Variants in POU2AF2 observed in about 807,000 individuals in gnomAD.
POU2AF2 encodes the protein POU domain class 2-associating factor 2.
the POU2AF2 span, among the ~76,000 whole-genome samples, chr11:111,276,453 A>AAATATATATATATATAT: frequency 8.0e-5 from 3 of 37,658 alleles, no homozygotes; most frequent in Non-Finnish European, 1.5e-4. Context: ...AAAAAAAAAA[A>AAATATATATATATATAT]ATATATATAT....
chr11:111,258,276 A>G, the POU2AF2 span, among the ~76,000 whole-genome samples: 1 of 152,244 alleles, frequency 6.6e-6, no homozygotes, highest in Non-Finnish European at 1.5e-5. Context: ...AACATGAGAC[A>G]GCAACTAAAT....
the POU2AF2 span, among the ~76,000 whole-genome samples, chr11:111,276,799 T>C: frequency 2.0e-5 from 3 of 149,842 alleles, no homozygotes; most frequent in African/African-American, 7.3e-5. Flanking sequence ...AGCGGTATTA[T>C]CTTTCAAATA....
the POU2AF2 span, among the ~76,000 whole-genome samples, chr11:111,266,366 C>T: frequency 2.0e-5 from 3 of 152,090 alleles, no homozygotes; most frequent in Admixed American, 6.6e-5. Context: ...CACTGGCACC[C>T]CTACCCCCAA....
chr11:111,284,531 C>A, the POU2AF2 span, among the ~76,000 whole-genome samples: 4 of 152,236 alleles, frequency 2.6e-5, no homozygotes, highest in Admixed American at 6.5e-5. Context: ...TGCCAGGACA[C>A]CCTCCGAGGG....
At chr11:111,282,190 C>T in the POU2AF2 span, among the ~76,000 whole-genome samples, 4 of 152,040 alleles carry the variant, frequency 2.6e-5, no homozygotes, top group Non-Finnish European at 5.9e-5. Flanking sequence ...GCTAAGAGAG[C>T]AGAGGCTTTT....
the POU2AF2 span, among the ~76,000 whole-genome samples, chr11:111,278,544 A>T: frequency 7.2e-6 from 1 of 139,092 alleles, no homozygotes; most frequent in East Asian, 2.0e-4. Flanking sequence ...CAGAGAGATG[A>T]TCTCTCTCTC....
At chr11:111,261,719 A>G in the POU2AF2 span, among the ~76,000 whole-genome samples, 2 of 152,238 alleles carry the variant, frequency 1.3e-5, no homozygotes, top group Non-Finnish European at 2.9e-5. Context: ...TTGTTGATTT[A>G]TGAACAAAGT....
the POU2AF2 span, among the ~76,000 whole-genome samples, chr11:111,248,151 C>A: frequency 4.6e-5 from 7 of 152,102 alleles, no homozygotes; most frequent in South Asian, 1.5e-3. Flanking sequence ...CTTGTATTCT[C>A]CTGGAGGTTT....
chr11:111,269,556 T>A, the POU2AF2 span, among the ~76,000 whole-genome samples: 1 of 152,108 alleles, frequency 6.6e-6, no homozygotes, highest in South Asian at 2.1e-4. Flanking sequence ...TAATTCCTGG[T>A]GGTGAATTCT....
chr11:111,282,859 C>T, the POU2AF2 span, among the ~76,000 whole-genome samples: 2 of 152,150 alleles, frequency 1.3e-5, no homozygotes, highest in Non-Finnish European at 2.9e-5. Context: ...ATTAAACCAT[C>T]AGTTTTATAG....
the POU2AF2 span, among the ~76,000 whole-genome samples, chr11:111,265,460 C>T: frequency 6.6e-6 from 1 of 151,998 alleles, no homozygotes; most frequent in Non-Finnish European, 1.5e-5. Flanking sequence ...TCAGACAGAC[C>T]AAGGTTCTGA....
chr11:111,270,143 C>G, the POU2AF2 span, among the ~76,000 whole-genome samples: 1 of 152,160 alleles, frequency 6.6e-6, no homozygotes, highest in Non-Finnish European at 1.5e-5. Context: ...TCCCAAAGGC[C>G]ACCCCAGTGA....
At chr11:111,253,345 A>G in the POU2AF2 span, among the ~76,000 whole-genome samples, 4 of 152,100 alleles carry the variant, frequency 2.6e-5, no homozygotes, top group Non-Finnish European at 5.9e-5. Context: ...ATTCTTTTCT[A>G]TGTGTGCCAC....
the POU2AF2 span, among the ~76,000 whole-genome samples, chr11:111,262,877 C>G: frequency 6.6e-5 from 10 of 152,122 alleles, no homozygotes; most frequent in Non-Finnish European, 1.3e-4. Flanking sequence ...TATAGTGAAG[C>G]AAATTAATAC....
chr11:111,280,040 CA>C, the POU2AF2 span, among the ~76,000 whole-genome samples: 309 of 72,574 alleles, frequency 4.3e-3, 1 homozygote, highest in East Asian at 9.4e-3. Flanking sequence ...GACTCCATCT[CA>C]AAAAAAAAAA....
chr11:111,264,835 GAGGA>G, the POU2AF2 span, among the ~76,000 whole-genome samples: 5 of 142,556 alleles, frequency 3.5e-5, no homozygotes, highest in African/African-American at 1.3e-4. Context: ...GAAAGAAAGA[GAGGA>G]AGGAAGGAAG....
the POU2AF2 span, among the ~76,000 whole-genome samples, chr11:111,285,255 C>T: frequency 6.6e-6 from 1 of 152,216 alleles, no homozygotes; most frequent in Admixed American, 6.5e-5. Context: ...AGGCCTACTC[C>T]GAGGAGTGGG....
chr11:111,268,143 A>G, the POU2AF2 span, among the ~76,000 whole-genome samples: 1 of 152,222 alleles, frequency 6.6e-6, no homozygotes, highest in Non-Finnish European at 1.5e-5. Context: ...CACAGCCTCC[A>G]CAACCATCAG....
At chr11:111,265,976 C>T in the POU2AF2 span, among the ~76,000 whole-genome samples, 1 of 152,020 alleles carries the variant, frequency 6.6e-6, no homozygotes, top group African/African-American at 2.4e-5. Context: ...AAACTCCAAC[C>T]TGGTGCATTT....
Sources: gnomAD v4.1 joint callset for allele counts (sites outside exome capture counted in the v4.1 genomes callset) on GRCh38, gnomAD v4.1.1 for gene constraint, MANE v1.5 for transcripts, NCBI Gene and HGNC (gene_info 2026-07-23, HGNC 2026-07-21) for gene names.